The following MACROD2 variants were observed in gnomAD, a reference collection of about 807,000 sequenced individuals.
MACROD2 encodes mono-ADP ribosylhydrolase 2.
A neutral mutation model predicts 70.4 loss-of-function variants in MACROD2; 36 were observed. The ratio of observed to expected loss-of-function variants is 0.51; its 90% confidence interval spans 0.39 to 0.68. The LOEUF (loss-of-function observed/expected upper bound fraction) is 0.68. MACROD2 is among the 30% of genes least tolerant of loss of function. The probability of loss-of-function intolerance (pLI) is 0.00; values close to 1 mark genes in which losing one functional copy is unlikely to be tolerated. For synonymous variants in MACROD2, 172 were observed against 178.8 expected (o/e 0.96, Z 0.30); for missense variants, 496 against 538.4 (o/e 0.92, Z 0.78).
At chr20:14,834,601 A>C (rs1229602774) in intron 5 of MACROD2, among the ~76,000 whole-genome samples, 1 of 152,084 alleles carries the variant, frequency 6.6e-6, no homozygotes, top group Non-Finnish European at 1.5e-5. Flanking sequence ...TAAAATCTTA[A>C]GAAGATACTT....
chr20:14,012,304 C>T (rs1448807752), intron 2 of MACROD2, among the ~76,000 whole-genome samples: 3 of 152,182 alleles, frequency 2.0e-5, no homozygotes, highest in Non-Finnish European at 2.9e-5. Context: ...TTCCTTAATG[C>T]TTTAAGTTGT....
At chr20:15,216,268 A>T (rs2076809220) in intron 5 of MACROD2, among the ~76,000 whole-genome samples, 1 of 152,282 alleles carries the variant, frequency 6.6e-6, no homozygotes, top group East Asian at 1.9e-4. Flanking sequence ...TGATGTGATT[A>T]TTACATATTA....
intron 8 of MACROD2, among the ~76,000 whole-genome samples, chr20:15,738,724 A>G (rs2051061524): frequency 6.6e-6 from 1 of 152,168 alleles, no homozygotes. Context: ...ACAGAATCCC[A>G]GAAGTTGAGG....
At chr20:15,206,776 C>A (rs1159147741) in intron 5 of MACROD2, among the ~76,000 whole-genome samples, 1 of 112,294 alleles carries the variant, frequency 8.9e-6, no homozygotes. Context: ...GTCGCCCAGG[C>A]CGGACTGCGG....
At position 15,957,710 on chromosome 20, in the gene MACROD2, T is replaced by G. The variant is rs186097531; in HGVS notation, c.908-9843T>G. 2.7e-3 allele frequency among the ~76,000 whole-genome samples: 404 copies of G among 152,300 alleles called. 12 individuals carry two copies. Among genetic ancestry groups the G allele is most frequent in the Admixed American group, 0.025 (377 of 15,290 alleles). On this transcript the variant is annotated intron_variant, in intron 12 of 17. Transcript: ENST00000684519. ...AAAGAAGGAAGTCTCCTCTGGGAAG[T>G]GTGAGGGGTCAGGGCGGGTACTTAG...
At chr20:16,028,018 A>C (rs1377464335) in intron 15 of MACROD2, among the ~76,000 whole-genome samples, 1 of 152,206 alleles carries the variant, frequency 6.6e-6, no homozygotes, top group East Asian at 1.9e-4. Flanking sequence ...AAAGCCAGAC[A>C]TGTGGAATGT....
At chr20:14,109,844 A>G (rs2054423868) in intron 3 of MACROD2, among the ~76,000 whole-genome samples, 1 of 151,728 alleles carries the variant, frequency 6.6e-6, no homozygotes, top group Non-Finnish European at 1.5e-5. Flanking sequence ...TACCAATCCT[A>G]CTCAAACTCT....
At chr20:14,736,736 G>A (rs2071669388) in intron 5 of MACROD2, among the ~76,000 whole-genome samples, 1 of 152,012 alleles carries the variant, frequency 6.6e-6, no homozygotes. Flanking sequence ...AGAAAACCAA[G>A]ACACAGAAAG....
chr20:15,133,708 A>G (rs1478007918), intron 5 of MACROD2, among the ~76,000 whole-genome samples: 2 of 152,098 alleles, frequency 1.3e-5, no homozygotes, highest in Non-Finnish European at 2.9e-5. Flanking sequence ...TGTTTGTACA[A>G]TGATGTTCAT....
chr20:15,750,172 T>A (rs1174997474), intron 8 of MACROD2, among the ~76,000 whole-genome samples: 1 of 151,804 alleles, frequency 6.6e-6, no homozygotes, highest in Non-Finnish European at 1.5e-5. Context: ...AATAGTCCAA[T>A]TAAAAGTGGG....
intron 2 of MACROD2, among the ~76,000 whole-genome samples, chr20:14,062,144 ATT>A (rs2053698119): frequency 6.6e-6 from 1 of 152,094 alleles, no homozygotes; most frequent in Non-Finnish European, 1.5e-5. Flanking sequence ...AAGCCTTTCT[ATT>A]ATTGTTCACT....
chr20:15,830,473 T>C (rs2147115850), intron 8 of MACROD2, among the ~76,000 whole-genome samples: 1 of 152,222 alleles, frequency 6.6e-6, no homozygotes, highest in East Asian at 1.9e-4. Context: ...TATGGATCCC[T>C]GAGGAGTTGG....
rs189850915 is a variant in MACROD2, at chr20:15,755,946, T to C, written c.646-106799T>C. ...AAATAAATCCCCAAAGCAGGTATGA[T>C]CTTGTTTCCTGTTGAGCCACTCCAA... On this transcript the variant is annotated intron_variant, in intron 8 of 17. Coordinates refer to ENST00000684519, the MANE Select transcript of MACROD2 (RefSeq NM_001351661.2). Among the ~76,000 whole-genome samples the C allele has an allele frequency of 9.2e-5, 14 of 152,310 alleles. No homozygotes were observed. The East Asian group carries it at 2.7e-3, about 29-fold the overall frequency.
rs186363760 is a variant in MACROD2, at chr20:15,096,369, G to A, written c.419-133571G>A. 5.0e-3 allele frequency among the ~76,000 whole-genome samples: 755 copies of A among 149,796 alleles called. 37 individuals carry two copies. The highest frequency in any genetic ancestry group is 0.046 in the Admixed American group (693 of 14,946). On this transcript the variant is annotated intron_variant, in intron 5 of 17. Transcript: ENST00000684519. ...CAAGCAGTTCGTAAGTGGCTAGTAA[G>A]AATTTATTGTTCATGTATGTTTTTT...
At chr20:14,056,340 G>GT (rs1469722155) in intron 2 of MACROD2, among the ~76,000 whole-genome samples, 3 of 151,202 alleles carry the variant, frequency 2.0e-5, no homozygotes, top group Non-Finnish European at 3.0e-5. Flanking sequence ...GTATTTTATT[G>GT]TTTTTTTAAA....
intron 7 of MACROD2, among the ~76,000 whole-genome samples, chr20:15,465,602 C>T (rs988877222): frequency 7.2e-5 from 11 of 152,374 alleles, no homozygotes; most frequent in Admixed American, 4.6e-4. Context: ...TATCCATAGT[C>T]CACAATCGGG....
chr20:15,663,480 C>T (rs1250321877), intron 8 of MACROD2, among the ~76,000 whole-genome samples: 1 of 152,024 alleles, frequency 6.6e-6, no homozygotes, highest in Non-Finnish European at 1.5e-5. Flanking sequence ...AAGTGATCTG[C>T]CCACCTCGGC....
At chr20:14,972,910 A>T (rs1360326761) in intron 5 of MACROD2, among the ~76,000 whole-genome samples, 1 of 152,218 alleles carries the variant, frequency 6.6e-6, no homozygotes, top group Non-Finnish European at 1.5e-5. Flanking sequence ...AACAGCCAGA[A>T]ACTCGCTGTT....
At position 14,002,210 on chromosome 20, in the gene MACROD2, G is replaced by A. The variant is rs2052741370; in HGVS notation, c.47-78G>A. On this transcript the variant is annotated intron_variant, in intron 1 of 17. Transcript: ENST00000684519. ...TCAACTCTTTTGTTAGCTTAACTTG[G>A]TTAATACTTAAAGTATAAAAATAAT... 4.5e-6 allele frequency: 4 copies of A among 881,578 alleles called. No homozygotes were observed. In the South Asian group the frequency reaches 7.7e-5, roughly 17 times the overall value. The allele number at this position is 881,578 out of a possible 1,614,324, so 54.6% of individuals were successfully genotyped here.
Sources: gnomAD v4.1 joint callset for allele counts (sites outside exome capture counted in the v4.1 genomes callset) on GRCh38, gnomAD v4.1.1 for gene constraint, MANE v1.5 for transcripts, NCBI Gene and HGNC (gene_info 2026-07-23, HGNC 2026-07-21) for gene names.